The following MAML2 variants were observed in gnomAD, a reference collection of about 807,000 sequenced individuals.
MAML2 encodes mastermind-like protein 2.
A neutral mutation model predicts 96.1 loss-of-function variants in MAML2; 22 were observed. The observed-to-expected ratio is 0.23, with a 90% confidence interval of 0.16 to 0.33. The LOEUF (loss-of-function observed/expected upper bound fraction) is 0.33, where lower values mean the gene tolerates loss of function less well. Among genes scored for constraint, MAML2 ranks in the 10% least tolerant of loss-of-function variants. The pLI is 1.00. For synonymous variants in MAML2, 561 were observed against 521.3 expected (o/e 1.08, Z -1.04); for missense variants, 1,367 against 1,392.4 (o/e 0.98, Z 0.29).
intron 1 of MAML2, among the ~76,000 whole-genome samples, chr11:96,249,444 C>T (rs1408721255): frequency 3.3e-5 from 5 of 152,056 alleles, no homozygotes; most frequent in African/African-American, 9.7e-5. Context: ...TTGGCCTCTC[C>T]GCTTGGATGT....
chr11:96,243,838 A>G (rs144914895), intron 1 of MAML2, among the ~76,000 whole-genome samples: 2,349 of 152,084 alleles, frequency 0.015, 59 homozygotes, highest in African/African-American at 0.054. Flanking sequence ...TATTTTTAGT[A>G]GAGAAAGGGT....
At chr11:96,176,732 C>A (rs11021460) in intron 1 of MAML2, among the ~76,000 whole-genome samples, 35,301 of 151,942 alleles carry the variant, frequency 0.23, 4,487 homozygotes, top group East Asian at 0.49. Context: ...ATTAAGGCCA[C>A]CAGGTAGTGG....
At chr11:96,062,570 G>T (rs74778965) in intron 2 of MAML2, among the ~76,000 whole-genome samples, 2,172 of 152,226 alleles carry the variant, frequency 0.014, 54 homozygotes, top group East Asian at 0.092. Context: ...AATATGGAGT[G>T]GTGGAAGGAA....
intron 1 of MAML2, among the ~76,000 whole-genome samples, chr11:96,124,096 C>A (rs79046868): frequency 2.8e-3 from 271 of 96,264 alleles, no homozygotes; most frequent in Middle Eastern, 6.3e-3. Context: ...AACTCTGTCT[C>A]AAAAAAAAAA....
chr11:96,093,352 G>T lies in MAML2; in HGVS notation c.679C>A (p.Gln227Lys), dbSNP rs965028957. ...GGLQINNGQS[Q>K]IMSGTLPMSQ... ...ATAGGCAAGGTCCCTGACATAATCTGACTTTGTCCATTGTTTATTTGGAGG... is the reference window on the plus strand; with the variant it reads ...ATAGGCAAGGTCCCTGACATAATCTTACTTTGTCCATTGTTTATTTGGAGG... The change falls in exon 2 of 5, where the codon CAG becomes AAG. Residue 227 changes from glutamine (Q) to lysine (K), a missense_variant. Gln to Lys is a moderately conservative substitution (Grantham distance 53, BLOSUM62 1). Transcript: ENST00000524717. 1.2e-6 allele frequency: 2 copies of T among 1,613,858 alleles called. No individual in the cohort carries two copies. Among genetic ancestry groups the T allele is most frequent in the African/African-American group, 1.3e-5 (1 of 74,900 alleles).
chr11:96,081,706 C>T (rs1046454236), intron 2 of MAML2, among the ~76,000 whole-genome samples: 4 of 152,166 alleles, frequency 2.6e-5, no homozygotes, highest in South Asian at 4.1e-4. Context: ...GCCTTCAAGG[C>T]GCAGGCCCTG....
intron 1 of MAML2, among the ~76,000 whole-genome samples, chr11:96,252,664 G>A (rs1012485522): frequency 4.1e-4 from 62 of 152,090 alleles, no homozygotes; most frequent in African/African-American, 1.3e-3. Context: ...AGGCTTATGA[G>A]GCAGGAGGCA....
intron 2 of MAML2, among the ~76,000 whole-genome samples, chr11:96,047,287 T>G (rs1939483): frequency 6.6e-6 from 1 of 152,052 alleles, no homozygotes; most frequent in African/African-American, 2.4e-5. Flanking sequence ...TTCCTTTCAC[T>G]TTCTTGTTGC....
intron 1 of MAML2, among the ~76,000 whole-genome samples, chr11:96,108,851 G>A (rs1860071385): frequency 1.3e-5 from 2 of 151,934 alleles, no homozygotes; most frequent in South Asian, 2.1e-4. Flanking sequence ...TGGGCAAGAC[G>A]GCAAAACCCA....
chr11:96,001,638 C>G (rs1446520499), intron 2 of MAML2, among the ~76,000 whole-genome samples: 1 of 152,060 alleles, frequency 6.6e-6, no homozygotes, highest in Non-Finnish European at 1.5e-5. Flanking sequence ...ACTCAACCCC[C>G]CCTCACTCCC....
At chr11:96,005,829 CAG>C (rs1259922866) in intron 2 of MAML2, among the ~76,000 whole-genome samples, 1 of 152,154 alleles carries the variant, frequency 6.6e-6, no homozygotes, top group Non-Finnish European at 1.5e-5. Flanking sequence ...TATTTTGCCA[CAG>C]ATAATTTTTA....
chr11:96,067,666 G>A (rs1859266208), intron 2 of MAML2, among the ~76,000 whole-genome samples: 1 of 151,824 alleles, frequency 6.6e-6, no homozygotes, highest in Non-Finnish European at 1.5e-5. Flanking sequence ...GCAAAGATTT[G>A]TTATGAGAAA....
chr11:96,056,502 G>A (rs1041929011), intron 2 of MAML2, among the ~76,000 whole-genome samples: 6 of 150,974 alleles, frequency 4.0e-5, no homozygotes, highest in African/African-American at 1.5e-4. Flanking sequence ...TTCTTTATGT[G>A]TAGCATCATG....
chr11:96,340,437 G>A (rs543549341), intron 1 of MAML2, among the ~76,000 whole-genome samples: 6 of 152,348 alleles, frequency 3.9e-5, no homozygotes, highest in Admixed American at 2.0e-4. Context: ...AGCAGCTTTG[G>A]GGGGAAGCCT....
At chr11:96,323,945 A>C (rs1863742098) in intron 1 of MAML2, among the ~76,000 whole-genome samples, 2 of 152,236 alleles carry the variant, frequency 1.3e-5, no homozygotes, top group South Asian at 4.1e-4. Context: ...CCTCTTAGAA[A>C]AGAGACGACT....
rs540172875 is a variant in MAML2, at chr11:96,172,940, C to A, written c.514-79423G>T. Among the ~76,000 whole-genome samples the A allele has an allele frequency of 4.6e-5, 7 of 152,330 alleles. No individual in the cohort carries two copies. In the South Asian group the frequency reaches 1.5e-3, roughly 32 times the overall value. On this transcript the variant is annotated intron_variant, in intron 1 of 4. Coordinates refer to ENST00000524717, the MANE Select transcript of MAML2 (RefSeq NM_032427.4). ...TAGAACACCACACACTGAATCAGAG[C>A]CAAAGTGCCTTTCAAATGGGCATGC... is the stretch of plus-strand genomic sequence containing the variant.
At chr11:96,149,083 C>G (rs571132112) in intron 1 of MAML2, among the ~76,000 whole-genome samples, 13 of 152,238 alleles carry the variant, frequency 8.5e-5, no homozygotes, top group African/African-American at 2.6e-4. Context: ...GCAACCCAGT[C>G]ATGTGCCTCA....
chr11:96,213,915 A>G (rs1862010839), intron 1 of MAML2, among the ~76,000 whole-genome samples: 1 of 152,224 alleles, frequency 6.6e-6, no homozygotes, highest in African/African-American at 2.4e-5. Context: ...TCCAGACGAC[A>G]GGATCAGATA....
At position 96,057,952 on chromosome 11, in the gene MAML2, C is replaced by T. The variant is rs112593322; in HGVS notation, c.2139+33940G>A. On this transcript the variant is annotated intron_variant, in intron 2 of 4. Coordinates refer to ENST00000524717, the MANE Select transcript of MAML2 (RefSeq NM_032427.4). ...ATCGAGCAGTTATCACTTTTCACTG[C>T]AAGTTGTGCTTCCTTCCAGCAGTCC... Among the ~76,000 whole-genome samples, 1,397 of 152,308 alleles carry T rather than the reference C, an allele frequency of 9.2e-3. 18 individuals are homozygous for T. The highest frequency in any genetic ancestry group is 0.046 in the South Asian group (222 of 4,832).
Sources: gnomAD v4.1 joint callset for allele counts (sites outside exome capture counted in the v4.1 genomes callset) on GRCh38, gnomAD v4.1.1 for gene constraint, MANE v1.5 for transcripts, NCBI Gene and HGNC (gene_info 2026-07-23, HGNC 2026-07-21) for gene names.